Variants in ZNF562 observed in about 807,000 individuals in gnomAD.
ZNF562 encodes the protein zinc finger protein 562.
A neutral mutation model predicts 17.5 loss-of-function variants in ZNF562; 13 were observed. The ratio of observed to expected loss-of-function variants is 0.74; its 90% CI spans 0.48 to 1.18. The LOEUF (loss-of-function observed/expected upper bound fraction) is 1.18, where lower values mean the gene tolerates loss of function less well. Ranked by LOEUF, ZNF562 falls within the 50% of genes most tolerant of loss-of-function variation. The probability of loss-of-function intolerance (pLI) is 0.00; values close to 1 mark genes in which losing one functional copy is unlikely to be tolerated. For synonymous variants in ZNF562, 163 were observed against 165.4 expected (o/e 0.99, Z 0.11); for missense variants, 481 against 498.5 (o/e 0.96, Z 0.33).
chr19:9,653,954 A>G (rs1278287692), intron 5 of ZNF562, 73 bp from the exon 6 acceptor site: 2 of 1,391,030 alleles, frequency 1.4e-6, no homozygotes, highest in Non-Finnish European at 9.4e-7. Flanking sequence ...ACACAGAAAC[A>G]TTATTTTGAT....
rs572754444 is a variant in ZNF562, at chr19:9,651,863, A to G, written c.*1086T>C. The G allele has an allele frequency of 5.3e-5, 8 of 152,280 alleles. No homozygotes were observed. The East Asian group carries it at 5.8e-4, about 11-fold the overall frequency. The allele number at this position is 152,280 out of a possible 1,614,324, so 9.4% of individuals were successfully genotyped here. ...AGCCCCGATTCCCACTCTGCACTAT[A>G]TTTCTGTGTCTTTGTCTTAATTCCT... On this transcript the variant is annotated 3_prime_UTR_variant, in exon 6 of 6. Coordinates refer to ENST00000453372, the MANE Select transcript of ZNF562 (RefSeq NM_001130031.2).
Position 9,652,141 on chromosome 19 carries a change from G to T in ZNF562, c.*808C>A, listed in dbSNP as rs1055090372. On this transcript the variant is annotated 3_prime_UTR_variant, in exon 6 of 6. Coordinates refer to ENST00000453372, the MANE Select transcript of ZNF562 (RefSeq NM_001130031.2). ...GACTATATCAGCCATCTTAACAGAA[G>T]TGAGAAGAGAGACTGGATTATACTA... 1 of 152,218 alleles carries T rather than the reference G, an allele frequency of 6.6e-6. No individual in the cohort carries two copies. The highest frequency in any genetic ancestry group is 2.4e-5 in the African/African-American group (1 of 41,456). The allele number at this position is 152,218 out of a possible 1,614,324, so 9.4% of individuals were successfully genotyped here.
At position 9,653,501 on chromosome 19, in the gene ZNF562, A is replaced by C. The variant is rs760130560; in HGVS notation, c.729T>G (p.Thr243=). The C allele has an allele frequency of 1.2e-6, 2 of 1,614,060 alleles. No homozygotes were observed. The highest frequency in any genetic ancestry group is 2.7e-5 in the African/African-American group (2 of 74,934). ...EFQECERAIT[T]SSHLKQCVAV... ...CTACACACTGCTTTAAGTGTGAGGAAGTTGTGATGGCTCTCTCACATTCCT... is the reference window on the plus strand; with the variant it reads ...CTACACACTGCTTTAAGTGTGAGGACGTTGTGATGGCTCTCTCACATTCCT... Residue 243 remains threonine, a synonymous_variant, in exon 6 of 6, where the codon ACT becomes ACG. Coordinates refer to ENST00000453372, the MANE Select transcript of ZNF562 (RefSeq NM_001130031.2).
At chr19:9,658,781 A>G (rs1157079193) in intron 3 of ZNF562, among the ~76,000 whole-genome samples, 1 of 151,524 alleles carries the variant, frequency 6.6e-6, no homozygotes, top group East Asian at 1.9e-4. Context: ...TCTATCTAGC[A>G]TCTATCTATC....
intron 1 of ZNF562, among the ~76,000 whole-genome samples, chr19:9,672,406 A>G (rs1296287318): frequency 6.6e-6 from 1 of 152,190 alleles, no homozygotes; most frequent in Non-Finnish European, 1.5e-5. Context: ...TTTATGCTCA[A>G]TTTACACTCA....
chr19:9,649,813 C>G lies in ZNF562; in HGVS notation c.*3136G>C, dbSNP rs1012114109. On this transcript the variant is annotated 3_prime_UTR_variant, in exon 6 of 6. Transcript: ENST00000453372. The stretch of plus-strand genomic sequence containing the variant: ...TGATATTCTATTACCTTGTAAAGTA[C>G]TTGATGTCTGTGACCCACACCTATT... The G allele has an allele frequency of 6.6e-6, 1 of 152,172 alleles. No homozygotes were observed. The highest frequency in any genetic ancestry group is 1.5e-5 in the Non-Finnish European group (1 of 68,038). 9.4% of individuals were successfully genotyped at this position (152,172 alleles called of 1,614,324 possible). A position where few individuals can be genotyped will look rare whatever the true frequency, so the allele number is the denominator to read the frequency against.
At chr19:9,673,511 T>C (rs573965825) in intron 1 of ZNF562, among the ~76,000 whole-genome samples, 4 of 152,216 alleles carry the variant, frequency 2.6e-5, no homozygotes, top group Non-Finnish European at 4.4e-5. Flanking sequence ...TTGGCTAGGC[T>C]AGTCTGGATC....
In ZNF562 at chr19:9,658,084, C is replaced by T. The variant is rs2043584841; in HGVS notation, c.166G>A (p.Ala56Thr). The change falls in exon 4 of 6, where the codon GCT (alanine) becomes ACT (threonine). Residue 56 changes from alanine (A) to threonine (T), a missense_variant. This residue lies in a region of ZNF562 where 403 missense variants were observed against 386.4 expected (regional missense o/e 1.04). Coordinates refer to ENST00000453372, the MANE Select transcript of ZNF562 (RefSeq NM_001130031.2). ...VAVEFTPEEW[A>T]LLDTTQKYLY... ...TATTTCTGAGTTGTGTCCAGTAAAG[C>T]CCACTCCTCTGGGGTGAACTCCACA... The T allele has an allele frequency of 2.5e-6, 4 of 1,614,016 alleles. No homozygotes were observed. The highest frequency in any genetic ancestry group is 1.3e-5 in the African/African-American group (1 of 75,034).
chr19:9,653,015 A>G lies in ZNF562; in HGVS notation c.1215T>C (p.Cys405=). 6.4e-7 allele frequency: 1 copy of G among 1,553,934 alleles called. No individual in the cohort carries two copies. Among genetic ancestry groups the G allele is most frequent in the Non-Finnish European group, 8.7e-7 (1 of 1,152,412 alleles). The part of the protein sequence containing the change: ...TGEKPYECVE[C]GKTFITSSHR... ...GGGAAGAAGTAATGAAGGTCTTCCC[A>G]CATTCAACACATTCATAAGGCTTCT... Residue 405 remains cysteine, a synonymous_variant, in exon 6 of 6, where the codon TGT becomes TGC. Coordinates refer to ENST00000453372, the MANE Select transcript of ZNF562 (RefSeq NM_001130031.2).
At chr19:9,666,988 AGAG>A (rs1209027619) in intron 1 of ZNF562, among the ~76,000 whole-genome samples, 4 of 152,202 alleles carry the variant, frequency 2.6e-5, no homozygotes, top group Admixed American at 1.3e-4. Flanking sequence ...ACAAAATTGA[AGAG>A]GAGAGAATAT....
In ZNF562 at chr19:9,647,553, A is replaced by T. The variant is rs918330338; in HGVS notation, c.*5396T>A. The T allele has an allele frequency of 2.5e-4, 38 of 152,176 alleles. No individual in the cohort carries two copies. The highest frequency in any genetic ancestry group is 8.9e-4 in the African/African-American group (37 of 41,518). 9.4% of individuals were successfully genotyped at this position (152,176 alleles called of 1,614,324 possible). On this transcript the variant is annotated 3_prime_UTR_variant, in exon 6 of 6. Coordinates refer to ENST00000453372, the MANE Select transcript of ZNF562 (RefSeq NM_001130031.2). ...CCAGAAGAGATAATTTTAACTTTTT[A>T]AAATATTTTGCAGTATTGGCCGGGC...
At chr19:9,669,713 C>A (rs538887028) in intron 1 of ZNF562, among the ~76,000 whole-genome samples, 8 of 92,648 alleles carry the variant, frequency 8.6e-5, no homozygotes, top group Non-Finnish European at 1.7e-4. Flanking sequence ...CATGCACGCG[C>A]GCGAGCGCGC....
At chr19:9,654,015 G>A (rs552464702) in intron 5 of ZNF562, 134 bp from the exon 6 acceptor site, 6 of 1,022,702 alleles carry the variant, frequency 5.9e-6, no homozygotes, top group Middle Eastern at 3.0e-4. Flanking sequence ...TTTTGAGACA[G>A]AGTCTTGTTC....
chr19:9,655,846 C>G (rs2043461096), intron 5 of ZNF562, among the ~76,000 whole-genome samples: 1 of 148,612 alleles, frequency 6.7e-6, no homozygotes, highest in Non-Finnish European at 1.5e-5. Flanking sequence ...AATTGTCCTG[C>G]CTCAGCCGCC....
chr19:9,660,935 A>G, intron 1 of ZNF562, 61 bp from the exon 2 acceptor site: 1 of 492,764 alleles, frequency 2.0e-6, no homozygotes, highest in Non-Finnish European at 3.6e-6. Flanking sequence ...ATTATGCATG[A>G]GCTTTCTCTC....
At chr19:9,654,472 T>A (rs2043385655) in intron 5 of ZNF562, among the ~76,000 whole-genome samples, 1 of 152,050 alleles carries the variant, frequency 6.6e-6, no homozygotes, top group Admixed American at 6.6e-5. Flanking sequence ...TTATTTATTT[T>A]ATTTTATTTA....
At position 9,653,144 on chromosome 19, in the gene ZNF562, G is replaced by A. The variant is rs758603587; in HGVS notation, c.1086C>T (p.His362=). 40 of 1,612,440 alleles carry A rather than the reference G, an allele frequency of 2.5e-5. No individual in the cohort carries two copies. The Middle Eastern group carries it at 9.9e-4, about 40-fold the overall frequency. Residue 362 remains histidine (H), a synonymous_variant, in exon 6 of 6, where the codon CAC becomes CAT. Coordinates refer to ENST00000453372, the MANE Select transcript of ZNF562 (RefSeq NM_001130031.2). The part of the protein sequence containing the change: ...AFTQYTGLAI[H]IRNHTGEKPY... ...GTTTCTCTCCAGTGTGATTTCGTAT[G>A]TGTATAGCAAGGCCCGTGTACTGAG... is the stretch of plus-strand genomic sequence containing the variant.
At position 9,644,467 on chromosome 19, in the gene ZNF562, T is replaced by A. The variant is rs1052899545; in HGVS notation, c.*8482A>T. ...GTGAGTTTAGGTGCTGTGTTCCTTGTTGTTGTTACAGTGTGAGCCACCGTG... is the reference window on the plus strand; with the variant it reads ...GTGAGTTTAGGTGCTGTGTTCCTTGATGTTGTTACAGTGTGAGCCACCGTG... On this transcript the variant is annotated 3_prime_UTR_variant, in exon 6 of 6. Coordinates refer to ENST00000453372, the MANE Select transcript of ZNF562 (RefSeq NM_001130031.2). 6.6e-6 allele frequency: 1 copy of A among 152,112 alleles called. No individual in the cohort carries two copies. Among genetic ancestry groups the A allele is most frequent in the African/African-American group, 2.4e-5 (1 of 41,412 alleles). 9.4% of individuals were successfully genotyped at this position (152,112 alleles called of 1,614,324 possible).
rs568440552 is a variant in ZNF562, at chr19:9,643,022, A to G, written c.*9927T>C. The G allele has an allele frequency of 6.8e-6, 1 of 146,712 alleles. No individual in the cohort carries two copies. Among genetic ancestry groups the G allele is most frequent in the East Asian group, 2.0e-4 (1 of 5,042 alleles). 9.1% of individuals were successfully genotyped at this position (146,712 alleles called of 1,614,324 possible). ...GCACCACTGCACTCCAGCCTAGGTG[A>G]CATGGCAAGACACTGTCTCTGGAAA... On this transcript the variant is annotated 3_prime_UTR_variant, in exon 6 of 6. Coordinates refer to ENST00000453372, the MANE Select transcript of ZNF562 (RefSeq NM_001130031.2).
Sources: gnomAD v4.1 joint callset for allele counts (sites outside exome capture counted in the v4.1 genomes callset) on GRCh38, gnomAD v4.1.1 for gene constraint, gnomAD v4.1.1 regional missense constraint, MANE v1.5 for transcripts, NCBI Gene and HGNC (gene_info 2026-07-23, HGNC 2026-07-21) for gene names.